NLRP7: variants seen among roughly 807,000 people sequenced by gnomAD.
NLRP7 encodes NACHT, LRR and PYD domains-containing protein 7.
In NLRP7, 72 loss-of-function variants were observed where a neutral mutation model predicts 85.5. That is an observed-to-expected ratio of 0.84 (90% CI 0.70 to 1.02). The LOEUF (loss-of-function observed/expected upper bound fraction) is 1.02. Among genes scored for constraint, NLRP7 ranks in the 50% least tolerant of loss-of-function variants. NLRP7 has a pLI of 0.00. For missense variants in NLRP7, 1,243 were observed against 1,219.5 expected (o/e 1.02, Z -0.29); for synonymous variants, 550 against 505.2 (o/e 1.09, Z -1.19).
At chr19:54,955,895 T>C (rs982641442) in intron 1 of NLRP7, among the ~76,000 whole-genome samples, 8 of 152,040 alleles carry the variant, frequency 5.3e-5, no homozygotes, top group African/African-American at 1.9e-4. Context: ...AATTTTTGTA[T>C]TGCAAAAATG....
At chr19:54,940,304 T>G (rs762052891) in exon 4 of NLRP7, 4 of 1,614,194 alleles carry the variant, frequency 2.5e-6, no homozygotes, top group Non-Finnish European at 3.4e-6. Context: ...CACCACCGTG[T>G]AAGGTGTTAG....
At chr19:54,924,002 C>T in intron 9 of NLRP7, 130 bp from the exon 11 acceptor site, 1 of 994,240 alleles carries the variant, frequency 1.0e-6, no homozygotes, top group Non-Finnish European at 1.5e-6. Context: ...GGGTCTTGCT[C>T]TGTTGCCCAG....
At chr19:54,938,589 G>A (rs2069049561) in intron 4 of NLRP7, among the ~76,000 whole-genome samples, 1 of 152,156 alleles carries the variant, frequency 6.6e-6, no homozygotes, top group African/African-American at 2.4e-5. Context: ...AACCGGGCAA[G>A]GTGGTGCACG....
intron 8 of NLRP7, among the ~76,000 whole-genome samples, chr19:54,931,106 C>T (rs8101856): frequency 0.3 from 45,788 of 152,020 alleles, 7,219 homozygotes; most frequent in East Asian, 0.41. Context: ...GAGCTATATA[C>T]TTCCAGGTGG....
upstream of NLRP7, chr19:54,949,122 TAAAG>T (rs1046267143): frequency 4.4e-4 from 67 of 151,084 alleles, no homozygotes; most frequent in African/African-American, 1.5e-3. Flanking sequence ...CTACTAAAAA[TAAAG>T]AATTAGCCAG....
chr19:54,957,887 G>A (rs909664412), intron 1 of NLRP7, among the ~76,000 whole-genome samples: 3 of 152,068 alleles, frequency 2.0e-5, no homozygotes, highest in Admixed American at 6.6e-5. Context: ...AGACTGGCCC[G>A]GTGTACAAAG....
upstream of NLRP7, among the ~76,000 whole-genome samples, chr19:54,950,497 G>C (rs2069633727): frequency 6.6e-6 from 1 of 152,160 alleles, no homozygotes; most frequent in East Asian, 1.9e-4. Context: ...GGATGTGGCA[G>C]GGTCATAGGA....
chr19:54,959,900 C>T (rs555431328), intron 1 of NLRP7, among the ~76,000 whole-genome samples: 5 of 151,950 alleles, frequency 3.3e-5, no homozygotes, highest in Non-Finnish European at 7.4e-5. Flanking sequence ...AGCCGACTCC[C>T]GGCTGCAGAG....
intron 1 of NLRP7, among the ~76,000 whole-genome samples, chr19:54,958,527 C>CA (rs1568436437): frequency 3.9e-5 from 6 of 151,972 alleles, no homozygotes; most frequent in Admixed American, 3.3e-4. Context: ...TGCCTGTAAT[C>CA]CCAGCTACTC....
chr19:54,934,372 C>T lies in NLRP7; in HGVS notation c.2471+117G>A. On this transcript the variant is annotated intron_variant, in intron 7 of 9. Transcript: ENST00000340844. This position sits in a 1 kb window ranked among gnomAD's most constrained non-coding sequence, Gnocchi z 6.7. ...AGGAGCCACCGTGCCGGGCCTGAAG[C>T]AGGTGTTTATTTCAGCAAGAGGCGC... The T allele has an allele frequency of 1.0e-6, 1 of 1,004,970 alleles. No individual in the cohort carries two copies. The highest frequency in any genetic ancestry group is 1.6e-6 in the Non-Finnish European group (1 of 624,602). 62.3% of individuals were successfully genotyped at this position (1,004,970 alleles called of 1,614,324 possible).
intron 1 of NLRP7, among the ~76,000 whole-genome samples, chr19:54,944,709 G>A (rs1458069064): frequency 3.3e-5 from 5 of 152,048 alleles, no homozygotes; most frequent in Admixed American, 6.6e-5. Flanking sequence ...GGAGCAGGAA[G>A]AGCATGAGAG....
In NLRP7 at chr19:54,939,140, T is replaced by C. The variant is rs760136179; in HGVS notation, c.1679A>G (p.Asn560Ser). 2.5e-6 allele frequency: 4 copies of C among 1,614,230 alleles called. No individual in the cohort carries two copies. The South Asian group carries it at 3.3e-5, about 13-fold the overall frequency. ...CAGGTCGGTCACGGATAAGGGCTTA[T>C]TTGCATGAAGATGTGCTTTGCATTG... Residue 560 changes from asparagine (N) to serine (S), a missense_variant, in exon 4 of 10, where the codon AAT (asparagine) becomes AGT (serine). Transcript: ENST00000340844.
At chr19:54,957,725 G>A (rs2146280559) in intron 1 of NLRP7, among the ~76,000 whole-genome samples, 1 of 152,176 alleles carries the variant, frequency 6.6e-6, no homozygotes, top group Non-Finnish European at 1.5e-5. Context: ...CATTTTTGTG[G>A]GACTCCTGTG....
chr19:54,933,432 A>G (rs1466870691), intron 8 of NLRP7, 137 bp downstream of exon 8: 1 of 1,114,492 alleles, frequency 9.0e-7, no homozygotes, highest in Non-Finnish European at 1.3e-6. Context: ...GGCATGAGCC[A>G]CCACGCCTGG....
intron 1 of NLRP7, among the ~76,000 whole-genome samples, chr19:54,947,109 A>C (rs149834893): frequency 0.045 from 6,766 of 152,036 alleles, 199 homozygotes; most frequent in African/African-American, 0.084. Context: ...CAGATTACCT[A>C]AAGTCAGGAG....
chr19:54,931,023 A>G (rs2068655032), intron 8 of NLRP7, among the ~76,000 whole-genome samples: 1 of 152,090 alleles, frequency 6.6e-6, no homozygotes, highest in Non-Finnish European at 1.5e-5. Context: ...ACTCCGTCTC[A>G]AGAAAACAAC....
intron 1 of NLRP7, among the ~76,000 whole-genome samples, chr19:54,963,966 C>A (rs1383895250): frequency 2.0e-5 from 3 of 150,018 alleles, no homozygotes; most frequent in Non-Finnish European, 3.0e-5. Context: ...CTGCAACCTC[C>A]GCCTCCTGGG....
chr19:54,934,834 G>A lies in NLRP7; in HGVS notation c.2301-175C>T, dbSNP rs747452483. 7.9e-5 allele frequency among the ~76,000 whole-genome samples: 12 copies of A among 151,730 alleles called. No individual in the cohort carries two copies. Among genetic ancestry groups the A allele is most frequent in the Admixed American group, 2.0e-4 (3 of 15,220 alleles). On this transcript the variant is annotated intron_variant, in intron 6 of 9. Coordinates refer to ENST00000340844, the Ensembl canonical transcript of NLRP7. This position sits in a 1 kb window ranked among gnomAD's most constrained non-coding sequence, Gnocchi z 6.7. ...AAGCTATTCTCCTGCCTCAGCCTCC[G>A]AAGTAGCTGGGATTACAGGCATTCG... is the stretch of plus-strand genomic sequence containing the variant.
At chr19:54,945,023 A>G (rs187584607) in intron 1 of NLRP7, among the ~76,000 whole-genome samples, 56 of 151,882 alleles carry the variant, frequency 3.7e-4, no homozygotes, top group Non-Finnish European at 6.6e-4. Flanking sequence ...GCAGATCACA[A>G]GGTGAGGAGC....
Sources: allele counts gnomAD v4.1 joint callset (sites outside exome capture counted in the v4.1 genomes callset), GRCh38; gene constraint gnomAD v4.1.1; non-coding constraint Gnocchi (gnomAD v3.1); transcripts MANE v1.5; gene names NCBI Gene and HGNC (gene_info 2026-07-23, HGNC 2026-07-21).